SMARCA4: variants seen among roughly 807,000 people sequenced by gnomAD.
SMARCA4 encodes SWI/SNF related BAF chromatin remodeling complex subunit ATPase 4.
In SMARCA4, 31 loss-of-function variants were observed where a neutral mutation model predicts 193.9. The ratio of observed to expected loss-of-function variants is 0.16; its 90% CI spans 0.12 to 0.22. The LOEUF (loss-of-function observed/expected upper bound fraction) is 0.22. Ranked by LOEUF, SMARCA4 falls within the 10% of genes least tolerant of loss-of-function variation. The pLI, the probability that SMARCA4 is intolerant of heterozygous loss-of-function variation, is 1.00. For synonymous variants in SMARCA4, 942 were observed against 933.1 expected (o/e 1.01, Z -0.17); for missense variants, 1,148 against 2,296.0 (o/e 0.50, Z 10.22).
Position 10,986,102 on chromosome 19 carries a change from A to G in SMARCA4, c.356-87A>G. ...ATGCCATTTGGCTGTGCCCTGTCTC[A>G]GAGTAGGAGCTGGTGTAGGGGGAAG... On this transcript the variant is annotated intron_variant, in intron 3 of 34. Transcript: ENST00000344626. The surrounding 1 kb of genome is among the most constrained non-coding windows in gnomAD (Gnocchi z 6.7). 8.6e-7 allele frequency: 1 copy of G among 1,161,788 alleles called. No individual in the cohort carries two copies. The highest frequency in any genetic ancestry group is 2.4e-5 in the East Asian group (1 of 42,466). 72.0% of individuals were successfully genotyped at this position (1,161,788 alleles called of 1,614,324 possible).
chr19:10,963,627 C>T (rs986521218), intron 1 of SMARCA4, among the ~76,000 whole-genome samples: 2 of 152,076 alleles, frequency 1.3e-5, no homozygotes, highest in African/African-American at 2.4e-5. Flanking sequence ...TCAAGCGAGG[C>T]GCTTAGCAGT....
intron 30 of SMARCA4, among the ~76,000 whole-genome samples, chr19:11,051,379 T>C (rs1163099625): frequency 6.6e-6 from 1 of 152,080 alleles, no homozygotes; most frequent in Non-Finnish European, 1.5e-5. Context: ...TGCCTTTCCC[T>C]CCTGCCCTGG....
intron 30 of SMARCA4, among the ~76,000 whole-genome samples, chr19:11,048,576 G>A (rs889947301): frequency 2.0e-5 from 3 of 152,206 alleles, no homozygotes; most frequent in Non-Finnish European, 4.4e-5. Flanking sequence ...CTGCCTCGCC[G>A]AGCTGGAGAG....
Position 11,041,124 on chromosome 19 carries a change from A to T in SMARCA4, c.4171-183A>T, listed in dbSNP as rs893033518. 3.1e-6 allele frequency: 2 copies of T among 641,812 alleles called. No homozygotes were observed. Among genetic ancestry groups the T allele is most frequent in the Admixed American group, 5.6e-5 (2 of 35,948 alleles). The allele number at this position is 641,812 out of a possible 1,614,324, so 39.8% of individuals were successfully genotyped here. Reference sequence around the variant, plus strand: ...CTGCTGGGGGCAGTGCTGGTCTTTCACTGCAGCCCAGGCACCCCTTGAGAG... The same window carrying T: ...CTGCTGGGGGCAGTGCTGGTCTTTCTCTGCAGCCCAGGCACCCCTTGAGAG... On this transcript the variant is annotated intron_variant, in intron 29 of 34. Transcript: ENST00000344626. This position sits in a 1 kb window ranked among gnomAD's most constrained non-coding sequence, Gnocchi z 5.6.
rs975832841 is a variant in SMARCA4 at position 11,058,541 on chromosome 19, G to A, written c.4533+178G>A. On this transcript the variant is annotated intron_variant, in intron 31 of 34. Transcript: ENST00000344626. The surrounding 1 kb of genome is among the most constrained non-coding windows in gnomAD (Gnocchi z 5.8). ...CTTTTGGGGTTCCTTGTAAGGGTTG[G>A]GGGTGTCCTGAGGGATGTCAGTGGG... Among the ~76,000 whole-genome samples the A allele has an allele frequency of 6.6e-6, 1 of 152,132 alleles. No homozygotes were observed. Among genetic ancestry groups the A allele is most frequent in the Non-Finnish European group, 1.5e-5 (1 of 68,006 alleles).
At chr19:11,023,855 AATCCCACT>A (rs2090048639) in intron 20 of SMARCA4, among the ~76,000 whole-genome samples, 2 of 152,306 alleles carry the variant, frequency 1.3e-5, no homozygotes, top group South Asian at 4.1e-4. Flanking sequence ...TAGAGCACAA[AATCCCACT>A]TCCTGTCAGG....
intron 30 of SMARCA4, among the ~76,000 whole-genome samples, chr19:11,050,288 C>A (rs141342116): frequency 6.6e-6 from 1 of 152,250 alleles, no homozygotes; most frequent in Non-Finnish European, 1.5e-5. Context: ...CCCCACCAGG[C>A]GGGCCCTCTG....
chr19:11,000,894 T>A (rs1600115120), intron 11 of SMARCA4, among the ~76,000 whole-genome samples: 1 of 150,274 alleles, frequency 6.7e-6, no homozygotes, highest in Admixed American at 6.6e-5. Context: ...AGTGGGAAAG[T>A]GCATGAAGTG....
intron 13 of SMARCA4, among the ~76,000 whole-genome samples, chr19:11,004,372 C>T (rs1255461286): frequency 1.3e-5 from 2 of 152,102 alleles, no homozygotes; most frequent in African/African-American, 4.8e-5. Flanking sequence ...CCTCAGTCTC[C>T]TGAGTAGCTG....
chr19:11,018,515 C>T (rs1438672331), intron 16 of SMARCA4, among the ~76,000 whole-genome samples: 1 of 152,224 alleles, frequency 6.6e-6, no homozygotes, highest in Non-Finnish European at 1.5e-5. Flanking sequence ...AGTCAGGAAC[C>T]TTCCGTGGCT....
intron 19 of SMARCA4, among the ~76,000 whole-genome samples, chr19:11,022,430 C>T (rs2089944750): frequency 6.6e-6 from 1 of 152,188 alleles, no homozygotes; most frequent in African/African-American, 2.4e-5. Flanking sequence ...GCTCAGTGGC[C>T]AGTGTGTCTC....
intron 22 of SMARCA4, 38 bp from the exon 23 acceptor site, chr19:11,026,262 T>C (rs747232946): frequency 1.3e-6 from 2 of 1,587,712 alleles, no homozygotes; most frequent in Middle Eastern, 1.7e-4. Flanking sequence ...GGTGGCCTGC[T>C]CCTGCCTGTC....
At chr19:11,054,125 C>T (rs1402930520) in intron 30 of SMARCA4, among the ~76,000 whole-genome samples, 3 of 152,356 alleles carry the variant, frequency 2.0e-5, no homozygotes, top group East Asian at 1.9e-4. Context: ...GCACCACTCA[C>T]GCTGGCTCAG....
At chr19:10,970,523 C>G (rs1442464052) in intron 1 of SMARCA4, among the ~76,000 whole-genome samples, 1 of 152,186 alleles carries the variant, frequency 6.6e-6, no homozygotes, top group Non-Finnish European at 1.5e-5. Context: ...GGGCTCATGT[C>G]ATGCTCCCGA....
chr19:11,044,580 A>T (rs1009213374), intron 30 of SMARCA4, among the ~76,000 whole-genome samples: 11 of 152,212 alleles, frequency 7.2e-5, no homozygotes, highest in Non-Finnish European at 1.3e-4. Flanking sequence ...GCTCGTTAAA[A>T]CCAGAGTGAC....
chr19:10,963,396 A>G (rs182604383), intron 1 of SMARCA4, among the ~76,000 whole-genome samples: 3,814 of 150,642 alleles, frequency 0.025, 87 homozygotes, highest in Non-Finnish European at 0.038. Context: ...AAAAAAGAAA[A>G]AGAAAGCTTG....
chr19:11,027,593 C>T (rs1449479372), intron 23 of SMARCA4, 191 bp from the exon 24 acceptor site: 8 of 688,466 alleles, frequency 1.2e-5, no homozygotes, highest in East Asian at 2.7e-5. Flanking sequence ...CGAGGGTGGC[C>T]GGGCTTATTT....
intron 19 of SMARCA4, among the ~76,000 whole-genome samples, chr19:11,022,254 G>T (rs1293601033): frequency 6.6e-6 from 1 of 152,240 alleles, no homozygotes; most frequent in Non-Finnish European, 1.5e-5. Context: ...CCCTGAGGCA[G>T]CTGTGGGACC....
rs537531411 is a variant in SMARCA4, at chr19:11,060,641, C to T, written c.4911+454C>T. The T allele has an allele frequency of 2.4e-4, 53 of 219,790 alleles. No homozygotes were observed. In the South Asian group the frequency reaches 3.0e-3, roughly 12 times the overall value. 13.6% of individuals were successfully genotyped at this position (219,790 alleles called of 1,614,324 possible). On this transcript the variant is annotated intron_variant, in intron 34 of 34. Transcript: ENST00000344626. ...TAGTTTTTGGGGTGCAGTGGGGAGC[C>T]GGAGAAGATCCACTTGCTGGCTTTA...
Sources: allele counts gnomAD v4.1 joint callset (sites outside exome capture counted in the v4.1 genomes callset), GRCh38; gene constraint gnomAD v4.1.1; non-coding constraint Gnocchi (gnomAD v3.1); transcripts MANE v1.5; gene names NCBI Gene and HGNC (gene_info 2026-07-23, HGNC 2026-07-21).